The following GCLC variants were observed in gnomAD, a reference collection of about 807,000 sequenced individuals.
The protein encoded by GCLC is glutamate--cysteine ligase catalytic subunit.
A neutral mutation model predicts 81.5 loss-of-function variants in GCLC; 30 were observed. That is an observed-to-expected ratio of 0.37 (90% CI 0.28 to 0.50). The LOEUF is 0.50. Among genes scored for constraint, GCLC ranks in the 20% least tolerant of loss-of-function variants. GCLC has a pLI of 0.96. For synonymous variants in GCLC, 262 were observed against 273.3 expected (o/e 0.96, Z 0.41); for missense variants, 556 against 777.4 (o/e 0.72, Z 3.39).
intron 1 of GCLC, chr6:53,522,865 C>T (rs890856645): frequency 4.2e-6 from 1 of 238,916 alleles, no homozygotes; most frequent in Non-Finnish European, 8.3e-6. Flanking sequence ...AAAGAAGCTG[C>T]ATTTTAAAAT....
rs1271299376 is a variant in GCLC at position 53,508,694 on chromosome 6, T to G, written c.846A>C (p.Ala282=). ...ICPIVMALSA[A]SPFYRGYVSD... Reference sequence around the variant, plus strand: ...ACACATAGCCTCGGTAAAAGGGAGATGCAGCACTCAAAGCCATCTAAAAAC... The same window carrying G: ...ACACATAGCCTCGGTAAAAGGGAGAGGCAGCACTCAAAGCCATCTAAAAAC... The change falls in exon 8 of 16, where the codon GCA becomes GCC. Residue 282 remains alanine, a synonymous_variant. Transcript: ENST00000650454. 2 of 1,612,370 alleles carry G rather than the reference T, an allele frequency of 1.2e-6. No homozygotes were observed. Among genetic ancestry groups the G allele is most frequent in the Non-Finnish European group, 1.7e-6 (2 of 1,178,546 alleles).
At chr6:53,535,251 A>G (rs1270299320) in intron 1 of GCLC, among the ~76,000 whole-genome samples, 1 of 152,242 alleles carries the variant, frequency 6.6e-6, no homozygotes, top group East Asian at 1.9e-4. Flanking sequence ...ACAGTGGCTT[A>G]AGACTGTAAT....
chr6:53,509,111 A>G (rs1764683023), intron 7 of GCLC, 65 bp downstream of exon 7: 1 of 996,518 alleles, frequency 1.0e-6, no homozygotes, highest in East Asian at 2.4e-5. Context: ...CTGTCAGTAA[A>G]TTCTGCACAT....
At chr6:53,514,930 T>C (rs1025643064) in intron 4 of GCLC, among the ~76,000 whole-genome samples, 1 of 152,190 alleles carries the variant, frequency 6.6e-6, no homozygotes, top group African/African-American at 2.4e-5. Context: ...TCTGCAGGAT[T>C]AATAATTATC....
At chr6:53,504,626 C>G (rs1338885160) in intron 12 of GCLC, among the ~76,000 whole-genome samples, 1 of 152,092 alleles carries the variant, frequency 6.6e-6, no homozygotes, top group African/African-American at 2.4e-5. Context: ...GGGCTGACAG[C>G]CAGATTTCCT....
chr6:53,534,463 C>T (rs1763223870), intron 1 of GCLC, among the ~76,000 whole-genome samples: 1 of 130,450 alleles, frequency 7.7e-6, no homozygotes, highest in South Asian at 2.7e-4. Context: ...AATTTACCCT[C>T]CTACCTGAAA....
At chr6:53,511,140 G>A (rs185528195) in intron 6 of GCLC, among the ~76,000 whole-genome samples, 7 of 146,282 alleles carry the variant, frequency 4.8e-5, no homozygotes, top group South Asian at 4.4e-4. Context: ...TCCCAAGTGC[G>A]CAGGACAGCA....
intron 6 of GCLC, among the ~76,000 whole-genome samples, chr6:53,511,947 C>CA (rs1491557371): frequency 8.8e-6 from 1 of 113,562 alleles, no homozygotes; most frequent in Non-Finnish European, 1.8e-5. Flanking sequence ...GAACTTAGTG[C>CA]TTTTTTTTTT....
At chr6:53,507,145 T>C in intron 9 of GCLC, 120 bp from the exon 10 acceptor site, 1 of 729,788 alleles carries the variant, frequency 1.4e-6, no homozygotes. Context: ...AAGCTTGAAA[T>C]AGCTGGTTTG....
At chr6:53,527,774 C>A (rs1190477904) in intron 1 of GCLC, among the ~76,000 whole-genome samples, 1 of 152,220 alleles carries the variant, frequency 6.6e-6, no homozygotes, top group African/African-American at 2.4e-5. Flanking sequence ...TGATTCCTTA[C>A]ATGGGGACTG....
At position 53,506,240 on chromosome 6, in the gene GCLC, G is replaced by A. The variant is rs1307912557; in HGVS notation, c.1198-345C>T. 1 of 341,750 alleles carries A rather than the reference G, an allele frequency of 2.9e-6. No individual in the cohort carries two copies. The highest frequency in any genetic ancestry group is 2.1e-5 in the African/African-American group (1 of 46,588). The allele number at this position is 341,750 out of a possible 1,614,324, so 21.2% of individuals were successfully genotyped here. The stretch of plus-strand genomic sequence containing the variant: ...CCAGCCTGCCTTTCCAGGTGACACT[G>A]GACACTTTCATCTGAGAACCCTGTC... On this transcript the variant is annotated intron_variant, in intron 10 of 15. Coordinates refer to ENST00000650454, the MANE Select transcript of GCLC (RefSeq NM_001498.4). The surrounding 1 kb of genome is among the most constrained non-coding windows in gnomAD (Gnocchi z 4.0).
Position 53,511,592 on chromosome 6 carries a change from T to C in GCLC, c.754-2342A>G, listed in dbSNP as rs574643825. On this transcript the variant is annotated intron_variant, in intron 6 of 15. Coordinates refer to ENST00000650454, the MANE Select transcript of GCLC (RefSeq NM_001498.4). ...AGTGAAGTGACTTAGTTATTTTAAA[T>C]GCATTTAGTAATTAGCTTTCTTAGT... Among the ~76,000 whole-genome samples, 105 of 152,276 alleles carry C rather than the reference T, an allele frequency of 6.9e-4. 1 individual carries two copies. In the South Asian group the frequency reaches 0.01, roughly 15 times the overall value.
rs1303875316 is a variant in GCLC at position 53,536,764 on chromosome 6, A to G, written c.150+7732T>C. Among the ~76,000 whole-genome samples the G allele has an allele frequency of 3.3e-5, 5 of 152,352 alleles. No individual in the cohort carries two copies. The East Asian group carries it at 9.6e-4, about 29-fold the overall frequency. The stretch of plus-strand genomic sequence containing the variant: ...GCTTCAAAATGAAACTACAGACAGT[A>G]CCAATCAATGAGTACATCTGCTAAT... On this transcript the variant is annotated intron_variant, in intron 1 of 15. Transcript: ENST00000650454.
chr6:53,528,438 A>G (rs1763119447), intron 1 of GCLC, among the ~76,000 whole-genome samples: 1 of 152,184 alleles, frequency 6.6e-6, no homozygotes, highest in Non-Finnish European at 1.5e-5. Flanking sequence ...CATCACACAC[A>G]CAACTATATT....
At chr6:53,514,772 TC>T (rs753404659) in intron 4 of GCLC, among the ~76,000 whole-genome samples, 6 of 152,192 alleles carry the variant, frequency 3.9e-5, no homozygotes, top group Admixed American at 3.9e-4. Context: ...ACTTACCAAA[TC>T]AATTCAGGTG....
intron 1 of GCLC, among the ~76,000 whole-genome samples, chr6:53,535,579 G>A (rs1487562241): frequency 2.6e-5 from 4 of 152,132 alleles, no homozygotes; most frequent in Admixed American, 6.6e-5. Flanking sequence ...TGCAAAGTTT[G>A]CAAAGCATGT....
chr6:53,507,550 C>G lies in GCLC; in HGVS notation c.1014G>C (p.Lys338Asn). Residue 338 changes from lysine (K) to asparagine (N), a missense_variant, in exon 9 of 16, where the codon AAG (lysine) becomes AAC (asparagine). By Grantham distance (94) the Lys-to-Asn change is moderately conservative. This residue lies in a region of GCLC where 313 missense variants were observed against 437.3 expected (regional missense o/e 0.72). Coordinates refer to ENST00000650454, the MANE Select transcript of GCLC (RefSeq NM_001498.4). ...CGATGTCATTATATTTCTCACCACA[C>G]TTAGATAAATAGCTGTCTATTGAGT... is the stretch of plus-strand genomic sequence containing the variant. ...RYDSIDSYLS[K>N]CGEKYNDIDL... 6.3e-7 allele frequency: 1 copy of G among 1,591,616 alleles called. No individual in the cohort carries two copies. The highest frequency in any genetic ancestry group is 8.6e-7 in the Non-Finnish European group (1 of 1,159,746).
chr6:53,516,207 C>T lies in GCLC; in HGVS notation c.462G>A (p.Gly154=). ...ITSFPRLGCP[G]FTLPEVKPNP... ...TGGGTTTGACCTCGGGCAGTGTGAA[C>T]CCAGGACAGCCTAATCTACAACAAA... is the stretch of plus-strand genomic sequence containing the variant. Residue 154 remains glycine, a synonymous_variant, in exon 4 of 16, where the codon GGG becomes GGA. Transcript: ENST00000650454. 6.2e-7 allele frequency: 1 copy of T among 1,604,932 alleles called. No homozygotes were observed. Among genetic ancestry groups the T allele is most frequent in the Non-Finnish European group, 8.5e-7 (1 of 1,171,596 alleles).
In GCLC at chr6:53,505,511, GC is replaced by G; in HGVS notation, c.1291-16del. ...GTTAATTGCACCTAGACAAGCAGAA[GC>G]CCAGAGAAGTTATGAACCAACTACA... is the stretch of plus-strand genomic sequence containing the variant. On this transcript the variant is annotated splice_polypyrimidine_tract_variant and intron_variant, in intron 11 of 15. Transcript: ENST00000650454. 3 of 1,366,824 alleles carry G rather than the reference GC, an allele frequency of 2.2e-6. No homozygotes were observed. Among genetic ancestry groups the G allele is most frequent in the Non-Finnish European group, 3.1e-6 (3 of 955,026 alleles). The allele number at this position is 1,366,824 out of a possible 1,614,324, so 84.7% of individuals were successfully genotyped here. A position where few individuals can be genotyped will look rare whatever the true frequency, so the allele number is the denominator to read the frequency against.
Sources: gnomAD v4.1 joint callset for allele counts (sites outside exome capture counted in the v4.1 genomes callset) on GRCh38, gnomAD v4.1.1 for gene constraint, gnomAD v4.1.1 regional missense constraint, Gnocchi (gnomAD v3.1) non-coding constraint, MANE v1.5 for transcripts, NCBI Gene and HGNC (gene_info 2026-07-23, HGNC 2026-07-21) for gene names.